DCAF8L2: variants seen among roughly 807,000 people sequenced by gnomAD.
DCAF8L2 encodes DDB1- and CUL4-associated factor 8-like protein 2.
For synonymous variants in DCAF8L2, 200 were observed against 190.9 expected (o/e 1.05, Z -0.39); for missense variants, 430 against 490.7 (o/e 0.88, Z 1.17).
intron 1 of DCAF8L2, among the ~76,000 whole-genome samples, chrX:27,631,434 A>G (rs2147172199): frequency 8.9e-6 from 1 of 112,518 alleles, no homozygotes; most frequent in East Asian, 2.8e-4. Flanking sequence ...ATGAATTAAA[A>G]TGTTATTATT....
chrX:27,591,014 T>TATATATATATATATATATAA (rs201564902), intron 1 of DCAF8L2, among the ~76,000 whole-genome samples: 9 of 96,798 alleles, frequency 9.3e-5, no homozygotes, highest in East Asian at 3.3e-4. Flanking sequence ...TATATATATA[T>TATATATATATATATATATAA]AAATAAATAA....
chrX:27,471,119 A>G, the DCAF8L2 span, among the ~76,000 whole-genome samples: 1 of 111,894 alleles, frequency 8.9e-6, no homozygotes, highest in Non-Finnish European at 1.9e-5. Flanking sequence ...TTCAGTTCTT[A>G]TCATCTACTA....
chrX:27,488,550 TGTGTGTGTGTGTGC>T, the DCAF8L2 span, among the ~76,000 whole-genome samples: 385 of 80,754 alleles, frequency 4.8e-3, 2 homozygotes, highest in African/African-American at 0.017. Flanking sequence ...TGTGTGTGTG[TGTGTGTGTGTGTGC>T]GCTTTCATAT....
In DCAF8L2 at chrX:27,748,639, T is replaced by G. The variant is rs751640381; in HGVS notation, c.1744T>G (p.Phe582Val). The change falls in exon 5 of 5, where the codon TTC (phenylalanine) becomes GTC (valine). Residue 582 changes from phenylalanine to valine, a missense_variant. Coordinates refer to ENST00000451261, the MANE Select transcript of DCAF8L2 (RefSeq NM_001353450.2). The stretch of plus-strand genomic sequence containing the variant: ...CCTGTTTGACCAGTACATGCTTTGG[T>G]TCCTCCTGCGTCACGTGACGCAGAG... ...GSLFDQYMLW[F>V]LLRHVTQRGR... 1.7e-6 allele frequency: 2 copies of G among 1,200,503 alleles called. No homozygotes were observed. The highest frequency in any genetic ancestry group is 2.3e-6 in the Non-Finnish European group (2 of 888,869).
chrX:27,593,383 T>A lies in DCAF8L2; in HGVS notation c.-342+2943T>A, dbSNP rs768906318. Among the ~76,000 whole-genome samples the A allele has an allele frequency of 1.6e-4, 18 of 112,579 alleles. No individual in the cohort carries two copies. In the South Asian group the frequency reaches 6.6e-3, roughly 41 times the overall value. The stretch of plus-strand genomic sequence containing the variant: ...ATAATGTCCTCAAGCTTCATGCATG[T>A]CATAGCATGTGTCAGGATGTCCTTC... On this transcript the variant is annotated intron_variant, in intron 1 of 4. Coordinates refer to ENST00000451261, the MANE Select transcript of DCAF8L2 (RefSeq NM_001353450.2).
At chrX:27,715,285 T>A (rs1359338270) in intron 3 of DCAF8L2, among the ~76,000 whole-genome samples, 4 of 103,438 alleles carry the variant, frequency 3.9e-5, no homozygotes, top group African/African-American at 1.1e-4. Context: ...GAGAATGGCG[T>A]GAACCCGGGA....
the DCAF8L2 span, chrX:27,519,586 C>T: frequency 1.5e-6 from 1 of 666,744 alleles, no homozygotes; most frequent in African/African-American, 2.1e-5. Flanking sequence ...ACCAGTCATT[C>T]CTCCGACAGA....
chrX:27,650,736 A>T (rs975057935), intron 2 of DCAF8L2, among the ~76,000 whole-genome samples: 8 of 111,932 alleles, frequency 7.1e-5, no homozygotes, highest in African/African-American at 2.6e-4. Context: ...CATATTTTCC[A>T]TGAAGAGATA....
chrX:27,736,206 T>C (rs944561925), intron 4 of DCAF8L2, among the ~76,000 whole-genome samples: 20 of 111,187 alleles, frequency 1.8e-4, no homozygotes, highest in African/African-American at 5.2e-4. Flanking sequence ...GTGTACCTTC[T>C]CTTTCCTTCA....
chrX:27,538,554 C>T, the DCAF8L2 span, among the ~76,000 whole-genome samples: 8 of 110,136 alleles, frequency 7.3e-5, no homozygotes, highest in Non-Finnish European at 1.3e-4. Flanking sequence ...CCACCACGCC[C>T]GGCTAATTTT....
the DCAF8L2 span, among the ~76,000 whole-genome samples, chrX:27,530,969 G>A: frequency 9.0e-6 from 1 of 111,396 alleles, no homozygotes; most frequent in Non-Finnish European, 1.9e-5. Context: ...CTGATGACCA[G>A]TATTGGCCAT....
chrX:27,498,088 A>G, the DCAF8L2 span, among the ~76,000 whole-genome samples: 1 of 112,411 alleles, frequency 8.9e-6, no homozygotes, highest in Non-Finnish European at 1.9e-5. Context: ...CTCAGTGAAC[A>G]CTGGATTGCT....
chrX:27,549,872 G>A, the DCAF8L2 span, among the ~76,000 whole-genome samples: 1 of 111,415 alleles, frequency 9.0e-6, no homozygotes, highest in Non-Finnish European at 1.9e-5. Context: ...CCTCACCCAA[G>A]GTCATGAGTC....
the DCAF8L2 span, among the ~76,000 whole-genome samples, chrX:27,577,855 CTT>C: frequency 9.9e-5 from 11 of 111,470 alleles, no homozygotes; most frequent in African/African-American, 3.6e-4. Context: ...AAGCAAAGGA[CTT>C]TCTCAAGGAG....
the DCAF8L2 span, among the ~76,000 whole-genome samples, chrX:27,546,624 C>G: frequency 8.0e-5 from 9 of 112,386 alleles, no homozygotes; most frequent in African/African-American, 9.7e-5. Context: ...GATAGGTTCC[C>G]AAACCTCGAT....
intron 1 of DCAF8L2, among the ~76,000 whole-genome samples, chrX:27,616,800 T>A (rs770143608): frequency 1.8e-5 from 2 of 111,199 alleles, no homozygotes; most frequent in African/African-American, 3.3e-5. Flanking sequence ...GAACACAGGA[T>A]CTTGCAGCAA....
At chrX:27,553,071 C>T in the DCAF8L2 span, among the ~76,000 whole-genome samples, 4 of 111,119 alleles carry the variant, frequency 3.6e-5, no homozygotes, top group South Asian at 1.5e-3. Context: ...TTTTAGTTCA[C>T]CATTGGTGTA....
chrX:27,655,639 T>C (rs940984376), intron 2 of DCAF8L2, among the ~76,000 whole-genome samples: 1 of 112,044 alleles, frequency 8.9e-6, no homozygotes, highest in Non-Finnish European at 1.9e-5. Context: ...ATGATAAGAT[T>C]GTTCCACATT....
the DCAF8L2 span, among the ~76,000 whole-genome samples, chrX:27,495,730 T>C: frequency 1.1e-3 from 118 of 112,007 alleles, 1 homozygote; most frequent in African/African-American, 3.8e-3. Context: ...GTTGTGCTCT[T>C]GCTGTTTCCT....
Sources: gnomAD v4.1 joint callset for allele counts (sites outside exome capture counted in the v4.1 genomes callset) on GRCh38, gnomAD v4.1.1 for gene constraint, MANE v1.5 for transcripts, NCBI Gene and HGNC (gene_info 2026-07-23, HGNC 2026-07-21) for gene names.